CD44: variants seen among roughly 807,000 people sequenced by gnomAD.
The protein encoded by CD44 is CD44 molecule (IN blood group).
CD44 carries 49 observed loss-of-function variants against 88.8 expected under a neutral mutation model. The observed-to-expected ratio is 0.55, with a 90% CI of 0.44 to 0.70. The LOEUF is 0.70. Among genes scored for constraint, CD44 ranks in the 30% least tolerant of loss-of-function variants. The pLI is 0.00. For missense variants in CD44, 883 were observed against 913.8 expected (o/e 0.97, Z 0.43); for synonymous variants, 325 against 312.3 (o/e 1.04, Z -0.43).
At chr11:35,185,017 A>G (rs1376938464) in intron 3 of CD44, among the ~76,000 whole-genome samples, 1 of 152,166 alleles carries the variant, frequency 6.6e-6, no homozygotes, top group Admixed American at 6.5e-5. Context: ...TAAAGTTATT[A>G]CTCATCTGTG....
chr11:35,197,009 A>C (rs1946823672), intron 6 of CD44, 135 bp downstream of exon 6: 1 of 789,530 alleles, frequency 1.3e-6, no homozygotes, highest in Admixed American at 2.6e-5. Context: ...CAGAAGGATC[A>C]TTAACTCTGG....
chr11:35,172,572 T>C (rs985125647), intron 1 of CD44, among the ~76,000 whole-genome samples: 11 of 152,332 alleles, frequency 7.2e-5, no homozygotes, highest in Admixed American at 2.0e-4. Context: ...AGGCTTCATC[T>C]TCAACATCAT....
chr11:35,163,306 C>G (rs899354618), intron 1 of CD44, among the ~76,000 whole-genome samples: 2 of 151,520 alleles, frequency 1.3e-5, no homozygotes. Flanking sequence ...GAAAAACATG[C>G]ACACTCACTT....
chr11:35,228,265 A>G (rs1054737223), intron 17 of CD44, among the ~76,000 whole-genome samples: 1 of 152,244 alleles, frequency 6.6e-6, no homozygotes, highest in South Asian at 2.1e-4. Context: ...GAAACCTTAA[A>G]TTAACGAGAA....
At chr11:35,161,482 G>A (rs1046696076) in intron 1 of CD44, among the ~76,000 whole-genome samples, 2 of 152,176 alleles carry the variant, frequency 1.3e-5, no homozygotes, top group Non-Finnish European at 2.9e-5. Context: ...GCAATGGATG[G>A]CATAGATGTC....
rs1221227712 is a variant in CD44, at chr11:35,182,347, G to A, written c.367+1940G>A. Among the ~76,000 whole-genome samples, 6 of 152,096 alleles carry A rather than the reference G, an allele frequency of 3.9e-5. No individual in the cohort carries two copies. In the East Asian group the frequency reaches 9.7e-4, roughly 24 times the overall value. ...GAGTTTAGGACAAAGTATCAGGGCT[G>A]GCTAGTTGAAATGGAGTGCGTGAAG... On this transcript the variant is annotated intron_variant, in intron 3 of 17. Coordinates refer to ENST00000428726, the MANE Select transcript of CD44 (RefSeq NM_000610.4).
intron 1 of CD44, among the ~76,000 whole-genome samples, chr11:35,153,178 CT>C (rs1229922757): frequency 6.6e-6 from 1 of 152,176 alleles, no homozygotes; most frequent in Non-Finnish European, 1.5e-5. Context: ...GTCCGGTTTC[CT>C]TTCATTTTAT....
At chr11:35,173,383 T>C (rs1745838055) in intron 1 of CD44, among the ~76,000 whole-genome samples, 1 of 152,222 alleles carries the variant, frequency 6.6e-6, no homozygotes, top group African/African-American at 2.4e-5. Flanking sequence ...AAGTTGAAAA[T>C]GTCAGTAAAA....
At chr11:35,221,630 T>A (rs372290263) in intron 16 of CD44, 24 bp from the exon 17 acceptor site, 1 of 1,596,272 alleles carries the variant, frequency 6.3e-7, no homozygotes, top group Non-Finnish European at 8.6e-7. Flanking sequence ...AGCTCACGCA[T>A]GTCATTTAAT....
chr11:35,169,682 A>G (rs1943664603), intron 1 of CD44, among the ~76,000 whole-genome samples: 1 of 152,242 alleles, frequency 6.6e-6, no homozygotes, highest in African/African-American at 2.4e-5. Context: ...TGGACCAAGA[A>G]GCTATTATTC....
At chr11:35,178,601 A>G (rs1173403897) in intron 2 of CD44, among the ~76,000 whole-genome samples, 1 of 152,214 alleles carries the variant, frequency 6.6e-6, no homozygotes, top group Non-Finnish European at 1.5e-5. Flanking sequence ...TAACTTACTC[A>G]TGCCACATAC....
chr11:35,149,841 C>T (rs1005397978), intron 1 of CD44, among the ~76,000 whole-genome samples: 2 of 152,220 alleles, frequency 1.3e-5, no homozygotes, highest in Admixed American at 6.5e-5. Context: ...CAGAAATAAA[C>T]ATATGGACCC....
chr11:35,176,857 C>A, intron 2 of CD44, 117 bp downstream of exon 2: 2 of 965,958 alleles, frequency 2.1e-6, no homozygotes, highest in Non-Finnish European at 3.1e-6. Flanking sequence ...AAGGAGTCAA[C>A]CCCACGTATT....
rs146489004 is a variant in CD44 at position 35,188,570 on chromosome 11, G to A, written c.437-1265G>A. 3.3e-3 allele frequency among the ~76,000 whole-genome samples: 497 copies of A among 152,136 alleles called. 7 individuals carry two copies. Among genetic ancestry groups the A allele is most frequent in the African/African-American group, 0.011 (468 of 41,496 alleles). On this transcript the variant is annotated intron_variant, in intron 4 of 17. Transcript: ENST00000428726. ...AGAGTGTGGTCAACAATATTTCCTT[G>A]TCAAATCCTCACCTGCAGAGATTAC...
chr11:35,184,427 A>G (rs565617187), intron 3 of CD44, among the ~76,000 whole-genome samples: 1 of 152,332 alleles, frequency 6.6e-6, no homozygotes, highest in South Asian at 2.1e-4. Flanking sequence ...CCTGGCATCA[A>G]GAAGCCATAA....
rs564044450 is a variant in CD44, at chr11:35,206,866, G to A, written c.1414+623G>A. Among the ~76,000 whole-genome samples the A allele has an allele frequency of 5.9e-5, 9 of 152,334 alleles. No individual in the cohort carries two copies. The South Asian group carries it at 1.7e-3, about 28-fold the overall frequency. ...AGCACACATGAGTTTGCACATGGCA[G>A]CTGGAGCTCTGAGGACACCCATGGG... is the stretch of plus-strand genomic sequence containing the variant. On this transcript the variant is annotated intron_variant, in intron 11 of 17. Coordinates refer to ENST00000428726, the MANE Select transcript of CD44 (RefSeq NM_000610.4).
chr11:35,163,322 C>T (rs1942874775), intron 1 of CD44, among the ~76,000 whole-genome samples: 1 of 151,674 alleles, frequency 6.6e-6, no homozygotes, highest in African/African-American at 2.4e-5. Flanking sequence ...CACTTGCTTG[C>T]ATTCGGATAA....
In CD44 at chr11:35,232,163, T is replaced by G. The variant is rs1236392011; in HGVS notation, c.*2830T>G. Reference sequence around the variant, plus strand: ...TCCATTCACCTTTATGTTATAGATATGTCTTTGTGTAAATCATTTGTTTTG... The same window carrying G: ...TCCATTCACCTTTATGTTATAGATAGGTCTTTGTGTAAATCATTTGTTTTG... On this transcript the variant is annotated 3_prime_UTR_variant, in exon 18 of 18. Transcript: ENST00000428726. 1.3e-5 allele frequency: 2 copies of G among 152,652 alleles called. No individual in the cohort carries two copies. The highest frequency in any genetic ancestry group is 3.8e-4 in the East Asian group (2 of 5,204). The allele number at this position is 152,652 out of a possible 1,614,324, so 9.5% of individuals were successfully genotyped here.
chr11:35,150,948 C>G (rs1182039337), intron 1 of CD44, among the ~76,000 whole-genome samples: 1 of 152,220 alleles, frequency 6.6e-6, no homozygotes, highest in African/African-American at 2.4e-5. Context: ...GACCTAGTTT[C>G]TGTCCTCAGG....
Sources: allele counts gnomAD v4.1 joint callset (sites outside exome capture counted in the v4.1 genomes callset), GRCh38; gene constraint gnomAD v4.1.1; transcripts MANE v1.5; gene names NCBI Gene and HGNC (gene_info 2026-07-23, HGNC 2026-07-21).